The following STK32B variants were observed in gnomAD, a reference collection of about 807,000 sequenced individuals.
STK32B encodes serine/threonine kinase 32B.
Under a neutral mutation model 52.6 loss-of-function variants are expected in STK32B, and 43 were observed. The ratio of observed to expected loss-of-function variants is 0.82; its 90% CI spans 0.64 to 1.05. The LOEUF (loss-of-function observed/expected upper bound fraction) is 1.05. Ranked by LOEUF, STK32B falls within the 50% of genes least tolerant of loss-of-function variation. The pLI is 0.00. For missense variants in STK32B, 621 were observed against 534.6 expected, an observed-to-expected ratio of 1.16 and a Z score of -1.59; for synonymous variants, 238 against 204.3, an observed-to-expected ratio of 1.17 and a Z score of -1.41.
intron 9 of STK32B, among the ~76,000 whole-genome samples, chr4:5,466,348 A>C (rs1717432062): frequency 6.6e-6 from 1 of 152,206 alleles, no homozygotes; most frequent in Non-Finnish European, 1.5e-5. Flanking sequence ...TTTTATAAAA[A>C]AGATAGTAAT....
At chr4:5,284,144 T>C (rs1410957222) in intron 3 of STK32B, among the ~76,000 whole-genome samples, 1 of 152,154 alleles carries the variant, frequency 6.6e-6, no homozygotes. Flanking sequence ...AAAGGCACAT[T>C]TTTATCATCT....
At chr4:5,172,955 G>T (rs1719511621) in intron 3 of STK32B, among the ~76,000 whole-genome samples, 1 of 152,056 alleles carries the variant, frequency 6.6e-6, no homozygotes, top group Non-Finnish European at 1.5e-5. Flanking sequence ...TTTTTTAGTT[G>T]GTAAGCTATT....
At chr4:5,409,111 T>C (rs1225194522) in intron 5 of STK32B, among the ~76,000 whole-genome samples, 2 of 152,140 alleles carry the variant, frequency 1.3e-5, no homozygotes, top group Non-Finnish European at 2.9e-5. Context: ...TTGAGATTGT[T>C]CTGCCCCCAA....
At chr4:5,076,354 A>G (rs11946428) in intron 1 of STK32B, among the ~76,000 whole-genome samples, 1 of 152,128 alleles carries the variant, frequency 6.6e-6, no homozygotes, top group Non-Finnish European at 1.5e-5. Flanking sequence ...CTTGTCCCCT[A>G]TTTTGGGGGC....
rs74335697 is a variant in STK32B at position 5,378,153 on chromosome 4, C to T, written c.435-20054C>T. Among the ~76,000 whole-genome samples, 2,040 of 152,304 alleles carry T rather than the reference C, an allele frequency of 0.013. 45 individuals carry two copies. The highest frequency in any genetic ancestry group is 0.046 in the African/African-American group (1,901 of 41,570). On this transcript the variant is annotated intron_variant, in intron 4 of 11. Coordinates refer to ENST00000282908, the MANE Select transcript of STK32B (RefSeq NM_018401.3). The surrounding 1 kb of genome is among the most constrained non-coding windows in gnomAD (Gnocchi z 4.4). ...ACTGAAAAAGGAGTAACTGCCTCCC[C>T]GTCTGTCTGAGTGTTCATTCATGTC...
At chr4:5,159,915 C>G (rs1432902464) in intron 2 of STK32B, among the ~76,000 whole-genome samples, 1 of 151,764 alleles carries the variant, frequency 6.6e-6, no homozygotes, top group Non-Finnish European at 1.5e-5. Context: ...AGGAGCTGAG[C>G]TGCAGATCAA....
At chr4:5,403,308 C>T (rs918436040) in intron 5 of STK32B, among the ~76,000 whole-genome samples, 6 of 152,210 alleles carry the variant, frequency 3.9e-5, no homozygotes, top group Admixed American at 6.5e-5. Context: ...CAACTAGAGA[C>T]AGCCCCTAAA....
At chr4:5,242,870 C>G (rs1471942934) in intron 3 of STK32B, among the ~76,000 whole-genome samples, 3 of 152,164 alleles carry the variant, frequency 2.0e-5, no homozygotes, top group African/African-American at 7.2e-5. Flanking sequence ...TCAGGTTTGT[C>G]AAAGATCAGA....
chr4:5,472,546 A>G (rs1317031872), intron 11 of STK32B, among the ~76,000 whole-genome samples: 1 of 152,178 alleles, frequency 6.6e-6, no homozygotes, highest in African/African-American at 2.4e-5. Flanking sequence ...CCATCCTCCT[A>G]TTCTTGGCCA....
intron 3 of STK32B, among the ~76,000 whole-genome samples, chr4:5,186,230 C>A (rs748552818): frequency 6.6e-6 from 1 of 152,156 alleles, no homozygotes; most frequent in Non-Finnish European, 1.5e-5. Flanking sequence ...GACAGTGGTG[C>A]TTTCTCGCAG....
At chr4:5,464,357 C>G (rs796712527) in intron 9 of STK32B, among the ~76,000 whole-genome samples, 4 of 152,364 alleles carry the variant, frequency 2.6e-5, no homozygotes, top group African/African-American at 9.6e-5. Context: ...GCCAGCGCCA[C>G]CACCTCCCTG....
At chr4:5,093,553 G>A (rs1453337176) in intron 1 of STK32B, among the ~76,000 whole-genome samples, 1 of 152,066 alleles carries the variant, frequency 6.6e-6, no homozygotes, top group Non-Finnish European at 1.5e-5. Context: ...CACACACTGG[G>A]GCCTGTTGTG....
intron 1 of STK32B, among the ~76,000 whole-genome samples, chr4:5,122,574 CA>C (rs1715119387): frequency 6.6e-6 from 1 of 152,186 alleles, no homozygotes; most frequent in African/African-American, 2.4e-5. Context: ...CTCACTTGCT[CA>C]TTCACTCACT....
intron 6 of STK32B, among the ~76,000 whole-genome samples, chr4:5,425,227 A>G (rs1712992050): frequency 6.6e-6 from 1 of 152,328 alleles, no homozygotes; most frequent in South Asian, 2.1e-4. Flanking sequence ...TGAGCCATTC[A>G]GGCCCAAGCA....
At chr4:5,435,660 T>G (rs1306043044) in intron 6 of STK32B, 2 of 152,226 alleles carry the variant, frequency 1.3e-5, no homozygotes, top group African/African-American at 4.8e-5. Context: ...GTTTATTTAT[T>G]TAGTCAGTTA....
rs562362527 is a variant in STK32B, at chr4:5,369,733, G to A, written c.435-28474G>A. Among the ~76,000 whole-genome samples, 260 of 152,206 alleles carry A rather than the reference G, an allele frequency of 1.7e-3. 1 individual carries two copies. Among genetic ancestry groups the A allele is most frequent in the African/African-American group, 5.1e-3 (212 of 41,540 alleles). On this transcript the variant is annotated intron_variant, in intron 4 of 11. Coordinates refer to ENST00000282908, the MANE Select transcript of STK32B (RefSeq NM_018401.3). ...GGTTGCCAGGCATCAGACCAATTGT[G>A]CCAAGATTTGATGCATCCCTTCCTT...
At chr4:5,443,842 C>T (rs1307180714) in intron 6 of STK32B, among the ~76,000 whole-genome samples, 1 of 152,070 alleles carries the variant, frequency 6.6e-6, no homozygotes, top group Non-Finnish European at 1.5e-5. Context: ...AGCTGCAGGT[C>T]TGTTGGAATA....
At chr4:5,239,518 C>G (rs1724861989) in intron 3 of STK32B, among the ~76,000 whole-genome samples, 1 of 152,084 alleles carries the variant, frequency 6.6e-6, no homozygotes, top group South Asian at 2.1e-4. Flanking sequence ...GGCTCTGGCT[C>G]TCCCTAAGCA....
rs140017704 is a variant in STK32B, at chr4:5,351,991, A to G, written c.434+20598A>G. On this transcript the variant is annotated intron_variant, in intron 4 of 11. Coordinates refer to ENST00000282908, the MANE Select transcript of STK32B (RefSeq NM_018401.3). ...TCAAAAAAGAAAAGTCCAGGACCAGATGGCTTCACTGCCAAATTATACCAA... is the reference window on the plus strand; with the variant it reads ...TCAAAAAAGAAAAGTCCAGGACCAGGTGGCTTCACTGCCAAATTATACCAA... Among the ~76,000 whole-genome samples the G allele has an allele frequency of 3.1e-3, 474 of 152,224 alleles. 2 individuals carry two copies. Among genetic ancestry groups the G allele is most frequent in the African/African-American group, 0.011 (450 of 41,576 alleles).
Sources: gnomAD v4.1 joint callset for allele counts (sites outside exome capture counted in the v4.1 genomes callset) on GRCh38, gnomAD v4.1.1 for gene constraint, Gnocchi (gnomAD v3.1) non-coding constraint, MANE v1.5 for transcripts, NCBI Gene and HGNC (gene_info 2026-07-23, HGNC 2026-07-21) for gene names.